Variants in MAB21L1 observed in about 807,000 individuals in gnomAD.
The protein encoded by MAB21L1 is mab-21 like 1, also known as putative nucleotidyltransferase MAB21L1.
Under a neutral mutation model 28.9 loss-of-function variants are expected in MAB21L1, and 8 were observed. The ratio of observed to expected loss-of-function variants is 0.28; its 90% confidence interval spans 0.16 to 0.50. The LOEUF is 0.50. Among genes scored for constraint, MAB21L1 ranks in the 20% least tolerant of loss-of-function variants. MAB21L1 has a pLI of 0.98. For missense variants in MAB21L1, 388 were observed against 466.5 expected, an observed-to-expected ratio of 0.83 and a Z score of 1.55; for synonymous variants, 219 against 198.2, an observed-to-expected ratio of 1.10 and a Z score of -0.88.
Position 35,476,498 on chromosome 13 carries a change from A to G in MAB21L1, c.-360T>C. On this transcript the variant is annotated 5_prime_UTR_variant, in exon 1 of 1. Transcript: ENST00000379919. ...GATCACCTTCTCAGGAATAAAAAAC[A>G]AAAGTTGCGCTGAGACCCAGCAAAG... 1 of 701,156 alleles carries G rather than the reference A, an allele frequency of 1.4e-6. No homozygotes were observed. The highest frequency in any genetic ancestry group is 1.8e-5 in the South Asian group (1 of 55,228). The allele number at this position is 701,156 out of a possible 1,614,324, so 43.4% of individuals were successfully genotyped here.
Position 35,475,602 on chromosome 13 carries a change from G to C in MAB21L1, c.537C>G (p.Ile179Met). ...QITPAFKCTG[I>M]WPRSAAHWPL... ...GCCAGTGGGCAGCACTCCTCGGCCAGATCCCGGTGCATTTAAAGGCCGGCG... is the reference window on the plus strand; with the variant it reads ...GCCAGTGGGCAGCACTCCTCGGCCACATCCCGGTGCATTTAAAGGCCGGCG... Residue 179 changes from isoleucine (I) to methionine (M), a missense_variant, in exon 1 of 1, where the codon ATC (isoleucine) becomes ATG (methionine). Transcript: ENST00000379919. 3 of 1,613,780 alleles carry C rather than the reference G, an allele frequency of 1.9e-6. No individual in the cohort carries two copies. The highest frequency in any genetic ancestry group is 1.7e-6 in the Non-Finnish European group (2 of 1,179,962).
rs9565317 is a variant in MAB21L1, at chr13:35,474,943, T to A, written c.*116A>T. On this transcript the variant is annotated 3_prime_UTR_variant, in exon 1 of 1. Coordinates refer to ENST00000379919, the MANE Select transcript of MAB21L1 (RefSeq NM_005584.5). ...TTTAAATATTGTATTATTATTCCTTTTTAAAGGAAGAGATTGTTTGCACTG... is the reference window on the plus strand; with the variant it reads ...TTTAAATATTGTATTATTATTCCTTATTAAAGGAAGAGATTGTTTGCACTG... 1 of 1,190,238 alleles carries A rather than the reference T, an allele frequency of 8.4e-7. No homozygotes were observed. Among genetic ancestry groups the A allele is most frequent in the Non-Finnish European group, 1.2e-6 (1 of 840,520 alleles). 73.7% of individuals were successfully genotyped at this position (1,190,238 alleles called of 1,614,324 possible).
chr13:35,474,940 C>T lies in MAB21L1; in HGVS notation c.*119G>A. 8.4e-7 allele frequency: 1 copy of T among 1,184,958 alleles called. No homozygotes were observed. The highest frequency in any genetic ancestry group is 1.5e-5 in the South Asian group (1 of 64,856). The allele number at this position is 1,184,958 out of a possible 1,614,324, so 73.4% of individuals were successfully genotyped here. Reference sequence around the variant, plus strand: ...ATGTTTAAATATTGTATTATTATTCCTTTTTAAAGGAAGAGATTGTTTGCA... The same window carrying T: ...ATGTTTAAATATTGTATTATTATTCTTTTTTAAAGGAAGAGATTGTTTGCA... On this transcript the variant is annotated 3_prime_UTR_variant, in exon 1 of 1. Transcript: ENST00000379919.
rs777158707 is a variant in MAB21L1 at position 35,475,279 on chromosome 13, C to A, written c.860G>T (p.Arg287Leu). 1.2e-6 allele frequency: 2 copies of A among 1,613,910 alleles called. No individual in the cohort carries two copies. The highest frequency in any genetic ancestry group is 2.7e-5 in the African/African-American group (2 of 74,856). Reference protein sequence around the residue: ...LVSYECEKHPRESDWDESCLG... With the variant: ...LVSYECEKHPLESDWDESCLG... ...GCAAGACTCGTCCCAGTCCGACTCTCGGGGATGCTTTTCACACTCGTAGGA... is the reference window on the plus strand; with the variant it reads ...GCAAGACTCGTCCCAGTCCGACTCTAGGGGATGCTTTTCACACTCGTAGGA... The change falls in exon 1 of 1, where the codon CGA becomes CTA. Residue 287 changes from arginine (R) to leucine (L), a missense_variant. Physicochemically the swap from Arg to Leu is moderately radical, Grantham distance 102. Transcript: ENST00000379919.
Position 35,475,530 on chromosome 13 carries a change from G to C in MAB21L1, c.609C>G (p.Val203=), listed in dbSNP as rs374332851. 2.5e-6 allele frequency: 4 copies of C among 1,612,714 alleles called. No individual in the cohort carries two copies. Among genetic ancestry groups the C allele is most frequent in the East Asian group, 4.5e-5 (2 of 44,790 alleles). ...ACAAGAGATTGAAACCTTCCGCCTT[G>C]ACCTCCGCCACCCGGTTGGGTCCCG... ...PWPGPNRVAE[V]KAEGFNLLSK... is the part of the protein sequence containing the mutation. Residue 203 remains valine (V), a synonymous_variant, in exon 1 of 1, where the codon GTC becomes GTG. Coordinates refer to ENST00000379919, the MANE Select transcript of MAB21L1 (RefSeq NM_005584.5).
Position 35,474,930 on chromosome 13 carries a change from A to G in MAB21L1, c.*129T>C. The G allele has an allele frequency of 4.4e-6, 5 of 1,124,854 alleles. No individual in the cohort carries two copies. The South Asian group carries it at 7.9e-5, about 18-fold the overall frequency. 69.7% of individuals were successfully genotyped at this position (1,124,854 alleles called of 1,614,324 possible). A position where few individuals can be genotyped will look rare whatever the true frequency, so the allele number is the denominator to read the frequency against. On this transcript the variant is annotated 3_prime_UTR_variant, in exon 1 of 1. Coordinates refer to ENST00000379919, the MANE Select transcript of MAB21L1 (RefSeq NM_005584.5). ...GGGTGAGATGATGTTTAAATATTGT[A>G]TTATTATTCCTTTTTAAAGGAAGAG...
In MAB21L1 at chr13:35,475,699, T is replaced by G. The variant is rs1210706329; in HGVS notation, c.440A>C (p.Asp147Ala). The change falls in exon 1 of 1, where the codon GAT (aspartate) becomes GCT (alanine). Residue 147 changes from aspartate to alanine, a missense_variant. Physicochemically the swap from Asp to Ala is moderately radical, Grantham distance 126. This residue lies in a region of MAB21L1 where 81 missense variants were observed against 153.7 expected (regional missense o/e 0.53). Transcript: ENST00000379919. ...AQAVDKCSYR[D>A]VVKMVADTSE... is the part of the protein sequence containing the mutation. ...GGTGTCTGCCACCATCTTTACCACA[T>G]CCCGGTAGCTACATTTGTCTACCGC... 3 of 1,613,476 alleles carry G rather than the reference T, an allele frequency of 1.9e-6. No homozygotes were observed. The highest frequency in any genetic ancestry group is 2.5e-6 in the Non-Finnish European group (3 of 1,179,962).
In MAB21L1 at chr13:35,475,406, C is replaced by T. The variant is rs757002523; in HGVS notation, c.733G>A (p.Gly245Ser). The T allele has an allele frequency of 4.3e-6, 7 of 1,613,514 alleles. No individual in the cohort carries two copies. The highest frequency in any genetic ancestry group is 4.0e-5 in the African/African-American group (3 of 74,746). ...ATGGAGAGGCACTTCTTTCTGCAGC[C>T]CCCCATCTGCAGTCTGTTCTCTGCC... Reference protein sequence around the residue: ...AEAENRLQMGGCRKKCLSILK... With the variant: ...AEAENRLQMGSCRKKCLSILK... Residue 245 changes from glycine (G) to serine (S), a missense_variant, in exon 1 of 1, where the codon GGC (glycine) becomes AGC (serine). Around this residue, in one of 3 missense-constraint regions of MAB21L1, gnomAD observed 218 missense variants for 220.6 expected, o/e 0.99. Coordinates refer to ENST00000379919, the MANE Select transcript of MAB21L1 (RefSeq NM_005584.5).
rs1443452713 is a variant in MAB21L1 at position 35,474,773 on chromosome 13, G to GAAAA, written c.*285_*286insTTTT. ...TTCGTCTCGGTCTGGCGTTACAGCT[G>GAAAA]GGCTGTTTACGGAGTGTTACGGTGT... On this transcript the variant is annotated 3_prime_UTR_variant, in exon 1 of 1. Coordinates refer to ENST00000379919, the MANE Select transcript of MAB21L1 (RefSeq NM_005584.5). 1.5e-5 allele frequency: 5 copies of GAAAA among 336,240 alleles called. No individual in the cohort carries two copies. Among genetic ancestry groups the GAAAA allele is most frequent in the Non-Finnish European group, 2.7e-5 (5 of 184,890 alleles). 20.8% of individuals were successfully genotyped at this position (336,240 alleles called of 1,614,324 possible).
At position 35,475,491 on chromosome 13, in the gene MAB21L1, G is replaced by A. The variant is rs771136132; in HGVS notation, c.648C>T (p.His216=). Reference sequence around the variant, plus strand: ...CCGAGCTCTGCTTGCCGGCCAAGGAGTGGCACTCCTTGGACAAGAGATTGA... The same window carrying A: ...CCGAGCTCTGCTTGCCGGCCAAGGAATGGCACTCCTTGGACAAGAGATTGA... ...EGFNLLSKEC[H]SLAGKQSSAE... The change falls in exon 1 of 1, where the codon CAC becomes CAT. Residue 216 remains histidine (H), a synonymous_variant. Transcript: ENST00000379919. The A allele has an allele frequency of 1.2e-6, 2 of 1,612,500 alleles. No homozygotes were observed. The highest frequency in any genetic ancestry group is 1.7e-6 in the Non-Finnish European group (2 of 1,179,902).
Position 35,474,914 on chromosome 13 carries a change from G to A in MAB21L1, c.*145C>T. 2 of 1,032,740 alleles carry A rather than the reference G, an allele frequency of 1.9e-6. No homozygotes were observed. Among genetic ancestry groups the A allele is most frequent in the South Asian group, 3.5e-5 (2 of 57,930 alleles). The allele number at this position is 1,032,740 out of a possible 1,614,324, so 64.0% of individuals were successfully genotyped here. A position where few individuals can be genotyped will look rare whatever the true frequency, so the allele number is the denominator to read the frequency against. ...CTCCCCTTGTGGGGGTGGGTGAGAT[G>A]ATGTTTAAATATTGTATTATTATTC... On this transcript the variant is annotated 3_prime_UTR_variant, in exon 1 of 1. Transcript: ENST00000379919.
Position 35,475,199 on chromosome 13 carries a change from G to C in MAB21L1, c.940C>G (p.Arg314Gly). 6.2e-7 allele frequency: 1 copy of C among 1,614,002 alleles called. No individual in the cohort carries two copies. The highest frequency in any genetic ancestry group is 8.5e-7 in the Non-Finnish European group (1 of 1,180,022). The change falls in exon 1 of 1, where the codon CGG becomes GGG. Residue 314 changes from arginine to glycine, a missense_variant. Coordinates refer to ENST00000379919, the MANE Select transcript of MAB21L1 (RefSeq NM_005584.5). The part of the protein sequence containing the change: ...LLQLISCLQC[R>G]RCPHYFLPNL... ...GGTAGAAAGTAGTGGGGACACCGCC[G>C]GCACTGCAGGCAGGAGATAAGTTGC... is the stretch of plus-strand genomic sequence containing the variant.
At position 35,476,519 on chromosome 13, in the gene MAB21L1, C is replaced by T. The variant is rs2075881085; in HGVS notation, c.-381G>A. On this transcript the variant is annotated 5_prime_UTR_variant, in exon 1 of 1. Coordinates refer to ENST00000379919, the MANE Select transcript of MAB21L1 (RefSeq NM_005584.5). ...AAACAAAAGTTGCGCTGAGACCCAG[C>T]AAAGCTCTTCCAGTAGTCAAAATAA... 1 of 636,812 alleles carries T rather than the reference C, an allele frequency of 1.6e-6. No homozygotes were observed. The highest frequency in any genetic ancestry group is 2.8e-5 in the Admixed American group (1 of 36,140). The allele number at this position is 636,812 out of a possible 1,614,324, so 39.4% of individuals were successfully genotyped here.
At position 35,475,868 on chromosome 13, in the gene MAB21L1, C is replaced by T. The variant is rs1428309411; in HGVS notation, c.271G>A (p.Asp91Asn). The change falls in exon 1 of 1, where the codon GAT becomes AAT. Residue 91 changes from aspartate (D) to asparagine (N), a missense_variant. Asp to Asn is a conservative substitution (Grantham distance 23). Transcript: ENST00000379919. ...ACCGCGCAGCCGGGCAGTGAGCCAT[C>T]GTCCACGAAGTTGAACACCCCCATT... ...NQMGVFNFVD[D>N]GSLPGCAVLK... is the part of the protein sequence containing the mutation. The T allele has an allele frequency of 1.2e-6, 2 of 1,614,046 alleles. No homozygotes were observed. The highest frequency in any genetic ancestry group is 1.7e-6 in the Non-Finnish European group (2 of 1,180,022).
In MAB21L1 at chr13:35,474,388, G is replaced by T. The variant is rs1363558312; in HGVS notation, c.*671C>A. 1.3e-5 allele frequency: 2 copies of T among 152,522 alleles called. No homozygotes were observed. Among genetic ancestry groups the T allele is most frequent in the African/African-American group, 4.8e-5 (2 of 41,410 alleles). The allele number at this position is 152,522 out of a possible 1,614,324, so 9.4% of individuals were successfully genotyped here. A position where few individuals can be genotyped will look rare whatever the true frequency, so the allele number is the denominator to read the frequency against. Reference sequence around the variant, plus strand: ...TGAATATATTTAAATAACATTTCAAGTATATTTATGGAATGTTAGAAATAG... The same window carrying T: ...TGAATATATTTAAATAACATTTCAATTATATTTATGGAATGTTAGAAATAG... On this transcript the variant is annotated 3_prime_UTR_variant, in exon 1 of 1. Coordinates refer to ENST00000379919, the MANE Select transcript of MAB21L1 (RefSeq NM_005584.5).
rs2075801882 is a variant in MAB21L1, at chr13:35,475,076, T to C, written c.1063A>G (p.Ser355Gly). The change falls in exon 1 of 1, where the codon AGT (serine) becomes GGT (glycine). Residue 355 changes from serine (S) to glycine (G), a missense_variant. Around this residue, in one of 3 missense-constraint regions of MAB21L1, gnomAD observed 218 missense variants for 220.6 expected, o/e 0.99. Transcript: ENST00000379919. The part of the protein sequence containing the change: ...LAREILTNPK[S>G]LEKL ...ATCATCCTCTAAAGTTTTTCCAAACTTTTCGGGTTGGTCAGGATCTCTCTT... is the reference window on the plus strand; with the variant it reads ...ATCATCCTCTAAAGTTTTTCCAAACCTTTCGGGTTGGTCAGGATCTCTCTT... 1.9e-6 allele frequency: 3 copies of C among 1,612,376 alleles called. No homozygotes were observed. Among genetic ancestry groups the C allele is most frequent in the Non-Finnish European group, 2.5e-6 (3 of 1,179,120 alleles).
At position 35,475,690 on chromosome 13, in the gene MAB21L1, T is replaced by G. The variant is rs759304387; in HGVS notation, c.449A>C (p.Lys150Thr). 5 of 1,613,686 alleles carry G rather than the reference T, an allele frequency of 3.1e-6. No homozygotes were observed. The highest frequency in any genetic ancestry group is 4.2e-6 in the Non-Finnish European group (5 of 1,179,990). The change falls in exon 1 of 1, where the codon AAG (lysine) becomes ACG (threonine). Residue 150 changes from lysine (K) to threonine (T), a missense_variant. This residue lies in a region of MAB21L1 where 81 missense variants were observed against 153.7 expected (regional missense o/e 0.53). Transcript: ENST00000379919. ...CACTTCGCTGGTGTCTGCCACCATC[T>G]TTACCACATCCCGGTAGCTACATTT... ...VDKCSYRDVV[K>T]MVADTSEVKL... is the part of the protein sequence containing the mutation.
Position 35,475,299 on chromosome 13 carries a change from G to A in MAB21L1, c.840C>T (p.Tyr280=). The A allele has an allele frequency of 6.2e-7, 1 of 1,614,064 alleles. No individual in the cohort carries two copies. The highest frequency in any genetic ancestry group is 8.5e-7 in the Non-Finnish European group (1 of 1,180,022). The change falls in exon 1 of 1, where the codon TAC becomes TAT. Residue 280 remains tyrosine (Y), a synonymous_variant. Transcript: ENST00000379919. ...NNYHMKTLVS[Y]ECEKHPRESD... is the part of the protein sequence containing the mutation. Reference sequence around the variant, plus strand: ...ACTCTCGGGGATGCTTTTCACACTCGTAGGAAACCAGAGTCTTCATATGGT... The same window carrying A: ...ACTCTCGGGGATGCTTTTCACACTCATAGGAAACCAGAGTCTTCATATGGT...
Position 35,476,414 on chromosome 13 carries a change from C to T in MAB21L1, c.-276G>A, listed in dbSNP as rs141473681. 29 of 991,240 alleles carry T rather than the reference C, an allele frequency of 2.9e-5. No homozygotes were observed. The highest frequency in any genetic ancestry group is 4.1e-5 in the South Asian group (3 of 72,644). 61.4% of individuals were successfully genotyped at this position (991,240 alleles called of 1,614,324 possible). On this transcript the variant is annotated 5_prime_UTR_variant, in exon 1 of 1. Coordinates refer to ENST00000379919, the MANE Select transcript of MAB21L1 (RefSeq NM_005584.5). ...CTTAAAGTGAAAGACTGTCCTCCCC[C>T]CTCTGCTTGTCTCTCTTCCTCTTTT...
Sources: allele counts gnomAD v4.1 joint callset, GRCh38; gene constraint gnomAD v4.1.1; regional missense constraint gnomAD v4.1.1; transcripts MANE v1.5; gene names NCBI Gene and HGNC (gene_info 2026-07-23, HGNC 2026-07-21).